The following CDK6 variants were observed in gnomAD, a reference collection of about 807,000 sequenced individuals.
The protein encoded by CDK6 is cyclin-dependent kinase 6.
Under a neutral mutation model 37.1 loss-of-function variants are expected in CDK6, and 6 were observed. The ratio of observed to expected loss-of-function variants is 0.16; its 90% confidence interval spans 0.09 to 0.32. CDK6 has a LOEUF of 0.32. Ranked by LOEUF, CDK6 falls within the 10% of genes least tolerant of loss-of-function variation. The pLI is 1.00. For synonymous variants in CDK6, 160 were observed against 161.3 expected, an observed-to-expected ratio of 0.99 and a Z score of 0.06; for missense variants, 224 against 418.9, an observed-to-expected ratio of 0.53 and a Z score of 4.06.
intron 4 of CDK6, among the ~76,000 whole-genome samples, chr7:92,696,113 G>A (rs1425552995): frequency 6.6e-6 from 1 of 152,214 alleles, no homozygotes. Flanking sequence ...TTATAAACCA[G>A]GGGATTGTGA....
chr7:92,732,966 C>T (rs1385021523), intron 3 of CDK6, among the ~76,000 whole-genome samples: 2 of 152,196 alleles, frequency 1.3e-5, no homozygotes, highest in Admixed American at 1.3e-4. Flanking sequence ...GGGCTGTCTG[C>T]CTCCAGCCTT....
chr7:92,653,430 G>A (rs971709614), intron 5 of CDK6, among the ~76,000 whole-genome samples: 19 of 152,176 alleles, frequency 1.2e-4, no homozygotes, highest in Admixed American at 3.9e-4. Flanking sequence ...TACTGTAACC[G>A]CTTTGCCAAT....
intron 4 of CDK6, among the ~76,000 whole-genome samples, chr7:92,703,146 TG>T (rs768684087): frequency 7.9e-5 from 12 of 152,048 alleles, no homozygotes; most frequent in Non-Finnish European, 1.8e-4. Context: ...AAAATGCCCA[TG>T]GTCACTCCAT....
chr7:92,629,180 A>G (rs1186243805), intron 5 of CDK6, among the ~76,000 whole-genome samples: 1 of 151,896 alleles, frequency 6.6e-6, no homozygotes, highest in Non-Finnish European at 1.5e-5. Flanking sequence ...ATAGGAAAAA[A>G]CCTCTGCCAG....
At chr7:92,659,455 C>T (rs963412410) in intron 5 of CDK6, among the ~76,000 whole-genome samples, 1 of 152,100 alleles carries the variant, frequency 6.6e-6, no homozygotes, top group Non-Finnish European at 1.5e-5. Context: ...TTTCTTTCTA[C>T]CTCTTAAAAT....
At chr7:92,728,483 G>A (rs1251159419) in intron 3 of CDK6, among the ~76,000 whole-genome samples, 1 of 152,078 alleles carries the variant, frequency 6.6e-6, no homozygotes, top group African/African-American at 2.4e-5. Flanking sequence ...TATACAATGA[G>A]ATTTTTAATG....
chr7:92,756,234 T>C (rs1014037693), intron 3 of CDK6, among the ~76,000 whole-genome samples: 13 of 151,854 alleles, frequency 8.6e-5, no homozygotes, highest in African/African-American at 2.7e-4. Context: ...AAAGTCAAGT[T>C]TAAGGAGAAA....
At chr7:92,782,000 G>A (rs1800004688) in intron 2 of CDK6, among the ~76,000 whole-genome samples, 1 of 152,102 alleles carries the variant, frequency 6.6e-6, no homozygotes, top group Non-Finnish European at 1.5e-5. Flanking sequence ...GCACCAAATG[G>A]TATAGCTCCA....
chr7:92,657,083 A>G (rs1162510962), intron 5 of CDK6, among the ~76,000 whole-genome samples: 8 of 152,028 alleles, frequency 5.3e-5, no homozygotes, highest in Non-Finnish European at 8.8e-5. Flanking sequence ...AACATATTAA[A>G]TAAATGTGTA....
chr7:92,666,018 T>G (rs1475178964), intron 5 of CDK6, among the ~76,000 whole-genome samples: 3 of 152,250 alleles, frequency 2.0e-5, no homozygotes, highest in African/African-American at 7.2e-5. Context: ...AACCCCCAAC[T>G]GCCAAGGCAT....
At chr7:92,698,057 CTT>C (rs1797760923) in intron 4 of CDK6, among the ~76,000 whole-genome samples, 1 of 151,898 alleles carries the variant, frequency 6.6e-6, no homozygotes, top group South Asian at 2.1e-4. Context: ...ATAAATGAAT[CTT>C]GTCTTAAAAA....
chr7:92,714,617 A>G (rs571802603), intron 4 of CDK6, among the ~76,000 whole-genome samples: 5 of 152,256 alleles, frequency 3.3e-5, no homozygotes, highest in African/African-American at 1.2e-4. Flanking sequence ...GGAAAAAGAA[A>G]ATCTCCTTTT....
intron 4 of CDK6, among the ~76,000 whole-genome samples, chr7:92,712,946 C>T (rs1206126342): frequency 6.6e-6 from 1 of 152,064 alleles, no homozygotes; most frequent in African/African-American, 2.4e-5. Context: ...TCACTGCAAC[C>T]TCCGCCTCCT....
chr7:92,686,786 A>G (rs551274214), intron 4 of CDK6, among the ~76,000 whole-genome samples: 2 of 151,564 alleles, frequency 1.3e-5, no homozygotes, highest in Admixed American at 6.6e-5. Context: ...CTGTGCCAAC[A>G]TCCATTTTTT....
rs187310427 is a variant in CDK6, at chr7:92,608,194, T to C, written c.*6946A>G. On this transcript the variant is annotated 3_prime_UTR_variant, in exon 8 of 8. Coordinates refer to ENST00000424848, the MANE Select transcript of CDK6 (RefSeq NM_001145306.2). ...TACAGTCATAGTTCTTGGCAGTCAA[T>C]ATGTAGTTATATGCCCCCTTTGAGA... The C allele has an allele frequency of 8.6e-6, 2 of 232,406 alleles. No individual in the cohort carries two copies. The highest frequency in any genetic ancestry group is 1.8e-4 in the South Asian group (1 of 5,514). The allele number at this position is 232,406 out of a possible 1,614,324, so 14.4% of individuals were successfully genotyped here.
At chr7:92,648,723 T>A (rs1796504808) in intron 5 of CDK6, among the ~76,000 whole-genome samples, 2 of 152,206 alleles carry the variant, frequency 1.3e-5, no homozygotes, top group African/African-American at 4.8e-5. Context: ...TATAAGATGA[T>A]CTCATTATCT....
Position 92,607,719 on chromosome 7 carries a change from GA to G in CDK6, c.*7420del, listed in dbSNP as rs1156788698. 3 of 231,892 alleles carry G rather than the reference GA, an allele frequency of 1.3e-5. No individual in the cohort carries two copies. Among genetic ancestry groups the G allele is most frequent in the African/African-American group, 2.2e-5 (1 of 45,176 alleles). 14.4% of individuals were successfully genotyped at this position (231,892 alleles called of 1,614,324 possible). A position where few individuals can be genotyped will look rare whatever the true frequency, so the allele number is the denominator to read the frequency against. ...AATTTATGCAAATGTAGAACAACTT[GA>G]AAAAAAATCCCCCGCCTGTCAGGTG... On this transcript the variant is annotated 3_prime_UTR_variant, in exon 8 of 8. Transcript: ENST00000424848.
chr7:92,814,208 A>C (rs1800963706), intron 2 of CDK6, among the ~76,000 whole-genome samples: 1 of 152,236 alleles, frequency 6.6e-6, no homozygotes, highest in Admixed American at 6.5e-5. Flanking sequence ...AAAACCTAGA[A>C]GATGACAATG....
chr7:92,744,325 T>C (rs1382643676), intron 3 of CDK6, among the ~76,000 whole-genome samples: 1 of 152,134 alleles, frequency 6.6e-6, no homozygotes, highest in Non-Finnish European at 1.5e-5. Flanking sequence ...GAAGAGATAA[T>C]GAAAGCCAAG....
Sources: gnomAD v4.1 joint callset for allele counts (sites outside exome capture counted in the v4.1 genomes callset) on GRCh38, gnomAD v4.1.1 for gene constraint, MANE v1.5 for transcripts, NCBI Gene and HGNC (gene_info 2026-07-23, HGNC 2026-07-21) for gene names.